The following PCDHGA3 variants were observed in gnomAD, a reference collection of about 807,000 sequenced individuals.
PCDHGA3 encodes the protein protocadherin gamma subfamily A, 3.
In PCDHGA3, 40 loss-of-function variants were observed where a neutral mutation model predicts 58.5. The ratio of observed to expected loss-of-function variants is 0.68; its 90% CI spans 0.53 to 0.89. The LOEUF is 0.89. Among genes scored for constraint, PCDHGA3 ranks in the 40% least tolerant of loss-of-function variants. The probability of loss-of-function intolerance (pLI) is 0.00; values close to 1 mark genes in which losing one functional copy is unlikely to be tolerated. For missense variants in PCDHGA3, 1,223 were observed against 1,195.9 expected, an observed-to-expected ratio of 1.02 and a Z score of -0.33; for synonymous variants, 530 against 525.7, an observed-to-expected ratio of 1.01 and a Z score of -0.11.
intron 1 of PCDHGA3, chr5:141,366,252 G>A (rs772676267): frequency 8.1e-6 from 13 of 1,613,596 alleles, no homozygotes; most frequent in Non-Finnish European, 1.1e-5. Context: ...CTCAAGCAGA[G>A]CCTCGTGGTG....
chr5:141,460,656 ACTGTAAACACAGT>A (rs2098994793), intron 1 of PCDHGA3, among the ~76,000 whole-genome samples: 1 of 152,086 alleles, frequency 6.6e-6, no homozygotes, highest in Admixed American at 6.6e-5. Flanking sequence ...CACATATGTA[ACTGTAAACACAGT>A]TATATATCTA....
intron 1 of PCDHGA3, among the ~76,000 whole-genome samples, chr5:141,466,594 C>G (rs557960608): frequency 6.6e-6 from 1 of 152,268 alleles, no homozygotes; most frequent in Admixed American, 6.5e-5. Flanking sequence ...TTAAAACAAG[C>G]TAGCTACTTG....
chr5:141,370,570 G>A (rs1373345113), intron 1 of PCDHGA3: 2 of 1,613,946 alleles, frequency 1.2e-6, no homozygotes, highest in African/African-American at 1.3e-5. Flanking sequence ...TTTGGCGTGG[G>A]GGATTTACCT....
chr5:141,373,678 A>G (rs4151698), intron 1 of PCDHGA3, among the ~76,000 whole-genome samples: 17,665 of 152,222 alleles, frequency 0.12, 1,184 homozygotes, highest in African/African-American at 0.18. Flanking sequence ...TGAATGGTAA[A>G]CTTCAGAGAA....
In PCDHGA3 at chr5:141,394,564, G is replaced by C. The variant is rs200338108; in HGVS notation, c.2424+48107G>C. 4.7e-3 allele frequency: 7,544 copies of C among 1,612,816 alleles called. 48 individuals carry two copies. The highest frequency in any genetic ancestry group is 9.5e-3 in the Admixed American group (568 of 59,990). On this transcript the variant is annotated intron_variant, in intron 1 of 3. Transcript: ENST00000253812. Reference sequence around the variant, plus strand: ...GAGCTGGCGCCCCGCTCCGCAGAGCGTGGCTACCTGGTGACCAAGGTGGTG... The same window carrying C: ...GAGCTGGCGCCCCGCTCCGCAGAGCCTGGCTACCTGGTGACCAAGGTGGTG...
intron 1 of PCDHGA3, among the ~76,000 whole-genome samples, chr5:141,459,386 T>C (rs1283863283): frequency 6.6e-6 from 1 of 152,260 alleles, no homozygotes; most frequent in African/African-American, 2.4e-5. Context: ...GTGTTCCATT[T>C]GATTGTTGAG....
At chr5:141,369,931 G>A (rs189671348) in intron 1 of PCDHGA3, among the ~76,000 whole-genome samples, 35 of 152,224 alleles carry the variant, frequency 2.3e-4, no homozygotes, top group African/African-American at 7.9e-4. Flanking sequence ...AAACGTGACG[G>A]GATTGAGCAA....
chr5:141,356,415 GAC>G, intron 1 of PCDHGA3: 1 of 1,602,540 alleles, frequency 6.2e-7, no homozygotes, highest in Non-Finnish European at 8.5e-7. Flanking sequence ...ATCGGTTGTT[GAC>G]ACACAGAACA....
Position 141,383,130 on chromosome 5 carries a change from G to C in PCDHGA3, c.2424+36673G>C, listed in dbSNP as rs1328104143. On this transcript the variant is annotated intron_variant, in intron 1 of 3. Coordinates refer to ENST00000253812, the MANE Select transcript of PCDHGA3 (RefSeq NM_018916.4). ...GAGGTAGGACGCAGCTTTTCGCCCT[G>C]AACCAGCGCAGCGGCAGCTTGGTCA... 3.1e-6 allele frequency: 5 copies of C among 1,614,008 alleles called. No homozygotes were observed. In the African/African-American group the frequency reaches 5.3e-5, roughly 17 times the overall value.
intron 1 of PCDHGA3, chr5:141,351,290 AC>A: frequency 1.2e-6 from 2 of 1,613,770 alleles, no homozygotes; most frequent in Non-Finnish European, 1.7e-6. Context: ...CCCAGAGGTG[AC>A]ATTCATGTCC....
At chr5:141,405,377 G>T (rs763495028) in intron 1 of PCDHGA3, 29 of 1,603,350 alleles carry the variant, frequency 1.8e-5, no homozygotes, top group Admixed American at 3.5e-5. Flanking sequence ...TTTGGTTCCG[G>T]TGAGTTCATT....
chr5:141,450,119 G>A (rs765403319), intron 1 of PCDHGA3, among the ~76,000 whole-genome samples: 2 of 148,920 alleles, frequency 1.3e-5, no homozygotes, highest in Non-Finnish European at 3.0e-5. Context: ...TGATTCTCCT[G>A]CCTTAGCCTC....
Position 141,389,309 on chromosome 5 carries a change from T to G in PCDHGA3, c.2424+42852T>G, listed in dbSNP as rs763262842. Reference sequence around the variant, plus strand: ...CCTCTATTTCACAAGTCAGGGCTTCTGATCCGGACTTGGGGCCCAACGGCC... The same window carrying G: ...CCTCTATTTCACAAGTCAGGGCTTCGGATCCGGACTTGGGGCCCAACGGCC... On this transcript the variant is annotated intron_variant, in intron 1 of 3. Transcript: ENST00000253812. 8 of 1,614,018 alleles carry G rather than the reference T, an allele frequency of 5.0e-6. No individual in the cohort carries two copies. The South Asian group carries it at 5.5e-5, about 11-fold the overall frequency.
intron 1 of PCDHGA3, among the ~76,000 whole-genome samples, chr5:141,462,990 A>T (rs181384059): frequency 1.8e-3 from 278 of 152,244 alleles, no homozygotes; most frequent in Non-Finnish European, 3.4e-3. Context: ...GCCTTGGGCT[A>T]ATTTAGACCT....
intron 1 of PCDHGA3, among the ~76,000 whole-genome samples, chr5:141,386,301 G>T (rs1049977575): frequency 1.3e-5 from 2 of 152,180 alleles, no homozygotes; most frequent in Non-Finnish European, 1.5e-5. Context: ...TTTTAGTAAA[G>T]CTCAGTATAT....
intron 1 of PCDHGA3, among the ~76,000 whole-genome samples, chr5:141,459,312 G>A (rs968359414): frequency 6.6e-6 from 1 of 152,084 alleles, no homozygotes; most frequent in African/African-American, 2.4e-5. Flanking sequence ...ATACTATTTT[G>A]TATCCATCTT....
chr5:141,468,677 T>A (rs545029270), intron 1 of PCDHGA3: 1 of 150,902 alleles, frequency 6.6e-6, no homozygotes, highest in African/African-American at 2.4e-5. Flanking sequence ...CCATCCTGGC[T>A]AACACGGTGA....
Position 141,350,759 on chromosome 5 carries a change from T to C in PCDHGA3, c.2424+4302T>C, listed in dbSNP as rs1758552070. The C allele has an allele frequency of 6.2e-7, 1 of 1,613,948 alleles. No individual in the cohort carries two copies. Among genetic ancestry groups the C allele is most frequent in the African/African-American group, 1.3e-5 (1 of 75,068 alleles). On this transcript the variant is annotated intron_variant, in intron 1 of 3. Coordinates refer to ENST00000253812, the MANE Select transcript of PCDHGA3 (RefSeq NM_018916.4). ...TGTGGAAGGCAATTCACTGAAGTTA[T>C]ACACCATCAACCCCAATCAATACTT...
intron 1 of PCDHGA3, chr5:141,415,862 A>G: frequency 1.8e-6 from 2 of 1,107,350 alleles, no homozygotes; most frequent in Non-Finnish European, 1.2e-6. Flanking sequence ...TGTAGTTTAT[A>G]GTGTTGTTGA....
Sources: allele counts gnomAD v4.1 joint callset (sites outside exome capture counted in the v4.1 genomes callset), GRCh38; gene constraint gnomAD v4.1.1; transcripts MANE v1.5; gene names NCBI Gene and HGNC (gene_info 2026-07-23, HGNC 2026-07-21).